The following LBH variants were observed in gnomAD, a reference collection of about 807,000 sequenced individuals.
The protein encoded by LBH is LBH regulator of Wnt signaling pathway.
A neutral mutation model predicts 12.5 loss-of-function variants in LBH; 7 were observed. That is an observed-to-expected ratio of 0.56 (90% CI 0.32 to 1.05). The LOEUF (loss-of-function observed/expected upper bound fraction) is 1.05. Ranked by LOEUF, LBH falls within the 50% of genes least tolerant of loss-of-function variation. The probability of loss-of-function intolerance (pLI) is 0.04; values close to 1 mark genes in which losing one functional copy is unlikely to be tolerated. For synonymous variants in LBH, 51 were observed against 50.1 expected (o/e 1.02, Z -0.08); for missense variants, 119 against 138.9 (o/e 0.86, Z 0.72).
At chr2:30,233,430 C>T (rs1263987268) in intron 1 of LBH, among the ~76,000 whole-genome samples, 4 of 152,222 alleles carry the variant, frequency 2.6e-5, no homozygotes, top group Admixed American at 6.5e-5. Flanking sequence ...ATTGAAGAGG[C>T]ATCTGGTACC....
intron 2 of LBH, among the ~76,000 whole-genome samples, chr2:30,251,671 A>G (rs1356726487): frequency 7.3e-5 from 3 of 41,180 alleles, no homozygotes; most frequent in South Asian, 9.4e-4. Context: ...TATCTCAAGA[A>G]AAAAAAAAAA....
At chr2:30,248,812 C>G (rs900457871) in intron 2 of LBH, among the ~76,000 whole-genome samples, 9 of 152,200 alleles carry the variant, frequency 5.9e-5, no homozygotes, top group Non-Finnish European at 1.3e-4. Context: ...TTTGGAACTC[C>G]TGACTCGCAG....
Position 30,258,410 on chromosome 2 carries a change from T to C in LBH, c.*789T>C, listed in dbSNP as rs553893198. The C allele has an allele frequency of 6.6e-6, 1 of 152,496 alleles. No homozygotes were observed. Among genetic ancestry groups the C allele is most frequent in the South Asian group, 2.1e-4 (1 of 4,832 alleles). 9.4% of individuals were successfully genotyped at this position (152,496 alleles called of 1,614,324 possible). A position where few individuals can be genotyped will look rare whatever the true frequency, so the allele number is the denominator to read the frequency against. ...GCTTTTCTCCCTGATATATCCATTT[T>C]GCTTCCCAGCACTTTTTAGGAGTAG... On this transcript the variant is annotated 3_prime_UTR_variant, in exon 3 of 3. Coordinates refer to ENST00000395323, the MANE Select transcript of LBH (RefSeq NM_030915.4).
intron 2 of LBH, among the ~76,000 whole-genome samples, chr2:30,244,365 A>T (rs1427564709): frequency 6.6e-6 from 1 of 152,150 alleles, no homozygotes; most frequent in Non-Finnish European, 1.5e-5. Context: ...TTTTAACAAA[A>T]TGTTAAAATG....
rs1219931630 is a variant in LBH, at chr2:30,234,496, C to T, written c.118C>T (p.Leu40Phe). Reference sequence around the variant, plus strand: ...CGGCCTCAGCCCCCGCAAGGATGGCCTTTCCTACCAGGTGAGTAAGTCCTG... The same window carrying T: ...CGGCCTCAGCCCCCGCAAGGATGGCTTTTCCTACCAGGTGAGTAAGTCCTG... ...EIGLSPRKDGLSYQIFPDPSD... is the reference protein window; with the variant it reads ...EIGLSPRKDGFSYQIFPDPSD... Residue 40 changes from leucine to phenylalanine, a missense_variant, in exon 2 of 3, where the codon CTT becomes TTT. Leu to Phe is a conservative substitution (Grantham distance 22, BLOSUM62 0). Transcript: ENST00000395323. The T allele has an allele frequency of 6.2e-7, 1 of 1,613,068 alleles. No homozygotes were observed. Among genetic ancestry groups the T allele is most frequent in the Admixed American group, 1.7e-5 (1 of 60,022 alleles).
chr2:30,241,652 G>C (rs899339676), intron 2 of LBH, among the ~76,000 whole-genome samples: 1 of 151,552 alleles, frequency 6.6e-6, no homozygotes, highest in Admixed American at 6.6e-5. Context: ...GAGTAGAGAC[G>C]GGGTCTCACC....
At position 30,257,732 on chromosome 2, in the gene LBH, A is replaced by C; in HGVS notation, c.*111A>C. 1.3e-6 allele frequency: 1 copy of C among 768,664 alleles called. No individual in the cohort carries two copies. Among genetic ancestry groups the C allele is most frequent in the Non-Finnish European group, 2.0e-6 (1 of 509,776 alleles). 47.6% of individuals were successfully genotyped at this position (768,664 alleles called of 1,614,324 possible). On this transcript the variant is annotated 3_prime_UTR_variant, in exon 3 of 3. Coordinates refer to ENST00000395323, the MANE Select transcript of LBH (RefSeq NM_030915.4). ...GCCGCAATTGTTCTGAAAATGTCAA[A>C]CGAGGCTTCTGTTTTGCACCTGCAG...
intron 2 of LBH, among the ~76,000 whole-genome samples, chr2:30,245,668 C>G (rs1464919429): frequency 3.3e-5 from 5 of 152,202 alleles, no homozygotes; most frequent in Non-Finnish European, 5.9e-5. Context: ...CTTGGCTTTG[C>G]TGCTACCTAT....
At chr2:30,242,365 T>G (rs1677804974) in intron 2 of LBH, among the ~76,000 whole-genome samples, 1 of 152,064 alleles carries the variant, frequency 6.6e-6, no homozygotes, top group Non-Finnish European at 1.5e-5. Flanking sequence ...TGCCTCAGCC[T>G]CCCAAGTAGC....
chr2:30,246,203 C>A (rs1677867139), intron 2 of LBH, among the ~76,000 whole-genome samples: 1 of 152,196 alleles, frequency 6.6e-6, no homozygotes, highest in Non-Finnish European at 1.5e-5. Flanking sequence ...AAGTGATCTG[C>A]CCGCCTTACC....
chr2:30,254,162 C>A (rs756881112), intron 2 of LBH, among the ~76,000 whole-genome samples: 1 of 152,156 alleles, frequency 6.6e-6, no homozygotes, highest in East Asian at 1.9e-4. Context: ...TAATACCAAA[C>A]CCACATATGC....
intron 1 of LBH, chr2:30,232,151 C>T (rs1398311839): frequency 1.3e-6 from 2 of 1,543,270 alleles, no homozygotes; most frequent in East Asian, 4.9e-5. Flanking sequence ...TCCTCTTTTT[C>T]TTTTTGTTTG....
chr2:30,241,099 A>T (rs1171631921), intron 2 of LBH, among the ~76,000 whole-genome samples: 1 of 152,228 alleles, frequency 6.6e-6, no homozygotes, highest in African/African-American at 2.4e-5. Context: ...TTTAAGAGGT[A>T]TCCTTGGCTT....
rs376132781 is a variant in LBH at position 30,259,410 on chromosome 2, C to T, written c.*1789C>T. On this transcript the variant is annotated 3_prime_UTR_variant, in exon 3 of 3. Coordinates refer to ENST00000395323, the MANE Select transcript of LBH (RefSeq NM_030915.4). ...AAGTGGGAGAGGCCGGCAGCCTGCA[C>T]CGAGAGGGGCTTTCCTCTCTCTTGC... The T allele has an allele frequency of 8.5e-5, 13 of 152,930 alleles. No homozygotes were observed. Among genetic ancestry groups the T allele is most frequent in the African/African-American group, 2.9e-4 (12 of 41,566 alleles). The allele number at this position is 152,930 out of a possible 1,614,324, so 9.5% of individuals were successfully genotyped here.
intron 2 of LBH, among the ~76,000 whole-genome samples, chr2:30,246,481 T>C (rs1341623728): frequency 1.3e-5 from 2 of 152,380 alleles, no homozygotes; most frequent in East Asian, 3.9e-4. Flanking sequence ...AACTGTTACA[T>C]GTTAATGTAA....
At position 30,257,628 on chromosome 2, in the gene LBH, T is replaced by G. The variant is rs1558391635; in HGVS notation, c.*7T>G. The G allele has an allele frequency of 3.8e-6, 6 of 1,593,128 alleles. No homozygotes were observed. The highest frequency in any genetic ancestry group is 5.1e-6 in the Non-Finnish European group (6 of 1,166,282). ...AGAAAATAAAGAGCAGTAGAGTCCC[T>G]GTGGACTCCCATGGGTCATACCAGC... is the stretch of plus-strand genomic sequence containing the variant. On this transcript the variant is annotated 3_prime_UTR_variant, in exon 3 of 3. Transcript: ENST00000395323.
At chr2:30,246,469 A>G (rs988462242) in intron 2 of LBH, among the ~76,000 whole-genome samples, 1 of 152,264 alleles carries the variant, frequency 6.6e-6, no homozygotes, top group African/African-American at 2.4e-5. Context: ...TTAGAGTAAC[A>G]AAACTGTTAC....
In LBH at chr2:30,234,420, A is replaced by G. The variant is rs755692722; in HGVS notation, c.42A>G (p.Arg14=). 2.5e-6 allele frequency: 4 copies of G among 1,613,988 alleles called. No individual in the cohort carries two copies. Among genetic ancestry groups the G allele is most frequent in the South Asian group, 1.1e-5 (1 of 91,076 alleles). The change falls in exon 2 of 3, where the codon AGA becomes AGG. Residue 14 remains arginine (R), a synonymous_variant. Coordinates refer to ENST00000395323, the MANE Select transcript of LBH (RefSeq NM_030915.4). ...TTCTTGGCAGCCCCGACTATCTGAG[A>G]TCGGCCAAGATGACTGAGGTGATGA... The part of the protein sequence containing the change: ...YFPIHCPDYL[R]SAKMTEVMMN...
chr2:30,248,111 A>G (rs1369307157), intron 2 of LBH, among the ~76,000 whole-genome samples: 2 of 152,292 alleles, frequency 1.3e-5, no homozygotes, highest in East Asian at 3.9e-4. Context: ...GTTAGTGTAG[A>G]TGGTTTCATT....
Sources: allele counts gnomAD v4.1 joint callset (sites outside exome capture counted in the v4.1 genomes callset), GRCh38; gene constraint gnomAD v4.1.1; transcripts MANE v1.5; gene names NCBI Gene and HGNC (gene_info 2026-07-23, HGNC 2026-07-21).